The following BBS4 variants were observed in gnomAD, a reference collection of about 807,000 sequenced individuals.
BBS4 encodes BBSome complex member BBS4.
In BBS4, 58 loss-of-function variants were observed where a neutral mutation model predicts 71.4. The observed-to-expected ratio is 0.81, with a 90% confidence interval of 0.66 to 1.01. The LOEUF is 1.01. Among genes scored for constraint, BBS4 ranks in the 50% least tolerant of loss-of-function variants. BBS4 has a pLI of 0.00. For missense variants in BBS4, 660 were observed against 607.9 expected (o/e 1.09, Z -0.90); for synonymous variants, 228 against 216.8 (o/e 1.05, Z -0.46).
intron 12 of BBS4, among the ~76,000 whole-genome samples, chr15:72,732,745 C>T (rs1337489870): frequency 1.3e-5 from 2 of 152,230 alleles, no homozygotes; most frequent in Non-Finnish European, 2.9e-5. Context: ...GGGCATGCTA[C>T]ACCGTGCAGG....
intron 1 of BBS4, among the ~76,000 whole-genome samples, chr15:72,689,112 T>G (rs556312388): frequency 1.3e-5 from 2 of 151,606 alleles, no homozygotes; most frequent in South Asian, 4.2e-4. Context: ...AGATGTGAAG[T>G]GGGGTATATT....
chr15:72,715,379 C>CA lies in BBS4; in HGVS notation c.309_310insA (p.Leu104ThrfsTer15). Reference sequence around the variant, plus strand: ...TTCTTAGTCCTCAGAGTGCTGATAACCTCAAGCAGGTGGCCAGATCTTTGT... The same window carrying CA: ...TTCTTAGTCCTCAGAGTGCTGATAACACTCAAGCAGGTGGCCAGATCTTTGT... On this transcript the variant is annotated frameshift_variant, in exon 5 of 16. Coordinates refer to ENST00000268057, the MANE Select transcript of BBS4 (RefSeq NM_033028.5). LOFTEE classifies it high-confidence loss of function. 1 of 1,613,812 alleles carries CA rather than the reference C, an allele frequency of 6.2e-7. No individual in the cohort carries two copies. The highest frequency in any genetic ancestry group is 2.2e-5 in the East Asian group (1 of 44,874).
intron 9 of BBS4, among the ~76,000 whole-genome samples, chr15:72,729,243 GACTGTTT>G (rs1293484041): frequency 1.3e-5 from 1 of 76,478 alleles, no homozygotes; most frequent in Admixed American, 2.3e-4. Context: ...AGGTTGGCCA[GACTGTTT>G]TTTTTTTTTT....
At position 72,738,397 on chromosome 15, in the gene BBS4, A is replaced by G. The variant is rs1184343810; in HGVS notation, c.*810A>G. The G allele has an allele frequency of 4.8e-6, 2 of 417,580 alleles. No homozygotes were observed. The highest frequency in any genetic ancestry group is 2.9e-5 in the Admixed American group (1 of 34,870). 25.9% of individuals were successfully genotyped at this position (417,580 alleles called of 1,614,324 possible). On this transcript the variant is annotated 3_prime_UTR_variant, in exon 16 of 16. Coordinates refer to ENST00000268057, the MANE Select transcript of BBS4 (RefSeq NM_033028.5). Reference sequence around the variant, plus strand: ...GTGTCCTTTTTAGAATAAAGATTACATATCATCATTCCTTTGGGGAAAATT... The same window carrying G: ...GTGTCCTTTTTAGAATAAAGATTACGTATCATCATTCCTTTGGGGAAAATT...
intron 6 of BBS4, among the ~76,000 whole-genome samples, chr15:72,722,002 G>C (rs1423002439): frequency 6.6e-6 from 1 of 152,160 alleles, no homozygotes; most frequent in African/African-American, 2.4e-5. Context: ...TAGATCAAAG[G>C]TTGGCAAACT....
In BBS4 at chr15:72,716,794, C is replaced by T. The variant is rs765399591; in HGVS notation, c.349C>T (p.His117Tyr). The change falls in exon 6 of 16, where the codon CAT becomes TAT. Residue 117 changes from histidine to tyrosine, a missense_variant. Physicochemically the swap from His to Tyr is moderately conservative, Grantham distance 83 (BLOSUM62 2). Coordinates refer to ENST00000268057, the MANE Select transcript of BBS4 (RefSeq NM_033028.5). ...CTTTTACAGATTTCTTTTGGGAAAA[C>T]ATAAAGCTGCCATTGAAGTATATAA... ...VARSLFLLGKHKAAIEVYNEA... is the reference protein window; with the variant it reads ...VARSLFLLGKYKAAIEVYNEA... 16 of 1,609,238 alleles carry T rather than the reference C, an allele frequency of 9.9e-6. No individual in the cohort carries two copies. Among genetic ancestry groups the T allele is most frequent in the Non-Finnish European group, 1.0e-5 (12 of 1,177,712 alleles).
chr15:72,694,518 G>A lies in BBS4; in HGVS notation c.25-659G>A, dbSNP rs58881727. Among the ~76,000 whole-genome samples the A allele has an allele frequency of 4.2e-3, 643 of 152,248 alleles. 7 individuals are homozygous for A. The highest frequency in any genetic ancestry group is 0.015 in the African/African-American group (623 of 41,546). ...TCTTGTTTGGCTGCTTTTAAGAGCT[G>A]CTTCTTGTCTCTGGTGCAGTTCGCT... On this transcript the variant is annotated intron_variant, in intron 1 of 15. Transcript: ENST00000268057.
chr15:72,701,901 G>A (rs1399449141), intron 2 of BBS4, among the ~76,000 whole-genome samples: 3 of 152,150 alleles, frequency 2.0e-5, no homozygotes, highest in South Asian at 2.1e-4. Flanking sequence ...GCAGTGGTGC[G>A]ATTTCCGCTC....
chr15:72,704,852 C>T (rs1387560167), intron 2 of BBS4, among the ~76,000 whole-genome samples: 1 of 147,652 alleles, frequency 6.8e-6, no homozygotes, highest in African/African-American at 2.4e-5. Context: ...TGCACTCCGG[C>T]CTTTATGACA....
At chr15:72,725,097 C>T (rs1473040781) in intron 8 of BBS4, among the ~76,000 whole-genome samples, 1 of 150,980 alleles carries the variant, frequency 6.6e-6, no homozygotes, top group Non-Finnish European at 1.5e-5. Flanking sequence ...TGATCTTACT[C>T]CATCACTCAG....
intron 1 of BBS4, among the ~76,000 whole-genome samples, chr15:72,692,350 C>T (rs1165023623): frequency 1.9e-5 from 2 of 105,068 alleles, no homozygotes; most frequent in South Asian, 3.4e-4. Flanking sequence ...GAGTCTTGCT[C>T]TGTCACCCAG....
chr15:72,701,469 G>A (rs997905693), intron 2 of BBS4, among the ~76,000 whole-genome samples: 4 of 152,058 alleles, frequency 2.6e-5, no homozygotes, highest in Non-Finnish European at 5.9e-5. Context: ...CTTAGGAGTA[G>A]GATTTTCAGG....
intron 6 of BBS4, among the ~76,000 whole-genome samples, chr15:72,722,176 G>A (rs954928429): frequency 3.9e-5 from 6 of 152,222 alleles, no homozygotes; most frequent in Non-Finnish European, 7.3e-5. Context: ...GGCAGGGAAT[G>A]GATTTGGCCC....
At position 72,713,347 on chromosome 15, in the gene BBS4, A is replaced by ACACACACACG. The variant is rs1210370695; in HGVS notation, c.220+1043_220+1044insACACACGCAC. 1.5e-4 allele frequency among the ~76,000 whole-genome samples: 18 copies of ACACACACACG among 118,764 alleles called. No homozygotes were observed. In the East Asian group the frequency reaches 3.9e-3, roughly 25 times the overall value. The allele number at this position is 118,764 out of a possible 152,430, so 77.9% of individuals were successfully genotyped here. On this transcript the variant is annotated intron_variant, in intron 4 of 15. Transcript: ENST00000268057. ...CACACACACACACACACACACACAC[A>ACACACACACG]CACGCACACGCACGCACGCACTGGT...
chr15:72,695,351 A>C (rs1227185849), intron 2 of BBS4, 123 bp downstream of exon 2: 2 of 630,484 alleles, frequency 3.2e-6, no homozygotes, highest in Non-Finnish European at 2.7e-6. Context: ...GCAGTAGCAC[A>C]ATCTTGGCTC....
At chr15:72,726,027 TTC>T (rs1389593995) in intron 8 of BBS4, among the ~76,000 whole-genome samples, 1 of 141,542 alleles carries the variant, frequency 7.1e-6, no homozygotes, top group Non-Finnish European at 1.5e-5. Context: ...TCCTTCCTTT[TTC>T]TCTCTTTTCT....
rs377661476 is a variant in BBS4, at chr15:72,690,786, G to T, written c.25-4391G>T. Among the ~76,000 whole-genome samples the T allele has an allele frequency of 9.9e-5, 15 of 152,246 alleles. No homozygotes were observed. In the East Asian group the frequency reaches 1.9e-3, roughly 20 times the overall value. On this transcript the variant is annotated intron_variant, in intron 1 of 15. Coordinates refer to ENST00000268057, the MANE Select transcript of BBS4 (RefSeq NM_033028.5). ...TGTTTAAAAAAACAGAAACAAATCT[G>T]CCTAACTTCTGCAGGCTATATACGA...
At chr15:72,720,151 C>T (rs1006779626) in intron 6 of BBS4, among the ~76,000 whole-genome samples, 36 of 150,762 alleles carry the variant, frequency 2.4e-4, no homozygotes, top group Admixed American at 2.3e-3. Context: ...TATTAATAGC[C>T]CTTACCTACC....
intron 6 of BBS4, among the ~76,000 whole-genome samples, chr15:72,717,865 G>T (rs1186812380): frequency 2.0e-5 from 3 of 151,998 alleles, no homozygotes; most frequent in Admixed American, 6.6e-5. Flanking sequence ...GTGGTGCGGG[G>T]GGGTACAGAG....
Sources: gnomAD v4.1 joint callset for allele counts (sites outside exome capture counted in the v4.1 genomes callset) on GRCh38, gnomAD v4.1.1 for gene constraint, MANE v1.5 for transcripts, NCBI Gene and HGNC (gene_info 2026-07-23, HGNC 2026-07-21) for gene names.